NUPR2: variants seen among roughly 807,000 people sequenced by gnomAD.
NUPR2 encodes nuclear protein 2.
Under a neutral mutation model 7.3 loss-of-function variants are expected in NUPR2, and 14 were observed. The observed-to-expected ratio is 1.93, with a 90% CI of 1.27 to 3.01. The LOEUF is 3.01. NUPR2 is among the 30% of genes most tolerant of loss of function. The pLI is 0.00. For missense variants in NUPR2, 162 were observed against 143.7 expected (o/e 1.13, Z -0.65); for synonymous variants, 56 against 59.7 (o/e 0.94, Z 0.29).
intron 1 of NUPR2, among the ~76,000 whole-genome samples, chr7:56,115,519 G>T (rs955562221): frequency 7.3e-6 from 1 of 136,336 alleles, no homozygotes; most frequent in South Asian, 2.3e-4. Context: ...GCAGTGGCAC[G>T]ATCTCGGCTA....
chr7:56,115,868 A>G (rs1051202899), intron 1 of NUPR2, 147 bp downstream of exon 1: 2 of 591,924 alleles, frequency 3.4e-6, no homozygotes, highest in Non-Finnish European at 5.5e-6. Flanking sequence ...TGCTATGGCC[A>G]TAAGAGGCCA....
chr7:56,115,430 TGTGTGTGTGTGTG>T (rs1785529935), intron 1 of NUPR2, among the ~76,000 whole-genome samples: 1 of 18,244 alleles, frequency 5.5e-5, no homozygotes, highest in Non-Finnish European at 9.5e-5. Flanking sequence ...TATATATATT[TGTGTGTGTGTGTG>T]TGTGTGTGTG....
intron 1 of NUPR2, among the ~76,000 whole-genome samples, chr7:56,115,429 T>A (rs375800151): frequency 0.72 from 21,947 of 30,544 alleles, 8,146 homozygotes; most frequent in African/African-American, 0.85. Context: ...ATATATATAT[T>A]TGTGTGTGTG....
intron 1 of NUPR2, among the ~76,000 whole-genome samples, chr7:56,115,429 T>TTGTGTGTGTG (rs59426127): frequency 3.2e-5 from 1 of 30,988 alleles, no homozygotes; most frequent in Non-Finnish European, 5.4e-5. Context: ...ATATATATAT[T>TTGTGTGTGTG]TGTGTGTGTG....
chr7:56,115,674 A>G lies in NUPR2; in HGVS notation c.*6+341T>C, dbSNP rs548114560. On this transcript the variant is annotated intron_variant, in intron 1 of 1. Coordinates refer to ENST00000329309, the MANE Select transcript of NUPR2 (RefSeq NM_001145712.2). ...TTTAGTAGAGACGGGGTTTCACCAT[A>G]TTGGCCAGGATGGTTTCGATCTCCT... Among the ~76,000 whole-genome samples the G allele has an allele frequency of 4.2e-3, 572 of 135,318 alleles. 3 individuals are homozygous for G. Among genetic ancestry groups the G allele is most frequent in the African/African-American group, 0.015 (542 of 35,574 alleles). 88.8% of individuals were successfully genotyped at this position (135,318 alleles called of 152,430 possible). A position where few individuals can be genotyped will look rare whatever the true frequency, so the allele number is the denominator to read the frequency against.
In NUPR2 at chr7:56,116,211, T is replaced by C. The variant is rs1301727245; in HGVS notation, c.104A>G (p.Tyr35Cys). 3.9e-6 allele frequency: 6 copies of C among 1,548,436 alleles called. No homozygotes were observed. Among genetic ancestry groups the C allele is most frequent in the East Asian group, 2.5e-5 (1 of 40,616 alleles). ...EEELYDCLDY[Y>C]YLRDFPACGA... is the part of the protein sequence containing the mutation. The stretch of plus-strand genomic sequence containing the variant: ...GCAGGCCGGGAAGTCGCGCAGGTAG[T>C]AGTAGTCCAGGCAGTCGTAAAGCTC... The change falls in exon 1 of 2, where the codon TAC becomes TGC. Residue 35 changes from tyrosine (Y) to cysteine (C), a missense_variant. Tyr to Cys is a radical substitution (Grantham distance 194, BLOSUM62 -2). Transcript: ENST00000329309.
At chr7:56,115,955 T>C in intron 1 of NUPR2, 60 bp downstream of exon 1, 1 of 1,330,566 alleles carries the variant, frequency 7.5e-7, no homozygotes, top group South Asian at 1.6e-5. Flanking sequence ...CGCCGCGCCG[T>C]GGGGGGACGC....
intron 1 of NUPR2, among the ~76,000 whole-genome samples, chr7:56,115,414 T>TACATATGTATATATATAC (rs1490839489): frequency 1.3e-4 from 2 of 15,966 alleles, no homozygotes; most frequent in Non-Finnish European, 2.0e-4. Context: ...TATATATATA[T>TACATATGTATATATATAC]ATATATATAT....
rs1562891744 is a variant in NUPR2, at chr7:56,115,407, A to ATATATACATATG, written c.*7-511_*7-510insCATATGTATATA. ...CGGGCTCGATCGCATATATATATAT[A>ATATATACATATG]TATATATATATATATATATATTTGT... On this transcript the variant is annotated intron_variant, in intron 1 of 1. Transcript: ENST00000329309. Among the ~76,000 whole-genome samples the ATATATACATATG allele has an allele frequency of 3.8e-3, 142 of 36,986 alleles. 8 individuals are homozygous for ATATATACATATG. The highest frequency in any genetic ancestry group is 0.018 in the East Asian group (11 of 602). The allele number at this position is 36,986 out of a possible 152,430, so 24.3% of individuals were successfully genotyped here.
intron 1 of NUPR2, among the ~76,000 whole-genome samples, chr7:56,115,354 C>G (rs4294145): frequency 0.82 from 108,268 of 132,548 alleles, 44,661 homozygotes; most frequent in East Asian, 0.94. Context: ...GCGCAATCTC[C>G]GCTCGGCTCA....
At chr7:56,115,042 C>T (rs1320525552) in intron 1 of NUPR2, 145 bp from the exon 2 acceptor site, 2 of 151,636 alleles carry the variant, frequency 1.3e-5, no homozygotes, top group Non-Finnish European at 2.9e-5. Context: ...TTCAAGCGAT[C>T]CTGCCGCCTT....
Position 56,116,192 on chromosome 7 carries a change from C to T in NUPR2, c.123G>A (p.Pro41=), listed in dbSNP as rs1785548348. 6.5e-7 allele frequency: 1 copy of T among 1,548,752 alleles called. No individual in the cohort carries two copies. Among genetic ancestry groups the T allele is most frequent in the African/African-American group, 1.4e-5 (1 of 72,540 alleles). ...CCTTGCTGCGCCCTGCCCCGCAGGC[C>T]GGGAAGTCGCGCAGGTAGTAGTAGT... ...CLDYYYLRDF[P]ACGAGRSKGR... Residue 41 remains proline (P), a synonymous_variant, in exon 1 of 2, where the codon CCG becomes CCA. Transcript: ENST00000329309.
At chr7:56,115,417 A>ACATATGTATATATATATATATATATACG (rs1562891787) in intron 1 of NUPR2, among the ~76,000 whole-genome samples, 2 of 21,364 alleles carry the variant, frequency 9.4e-5, no homozygotes, top group African/African-American at 2.9e-4. Flanking sequence ...ATATATATAT[A>ACATATGTATATATATATATATATATACG]TATATATATA....
intron 1 of NUPR2, among the ~76,000 whole-genome samples, chr7:56,115,437 G>GTATATATATATATATATT (rs1320810978): frequency 1.6e-3 from 24 of 14,590 alleles, no homozygotes; most frequent in African/African-American, 5.7e-3. Context: ...ATTTGTGTGT[G>GTATATATATATATATATT]TGTGTGTGTG....
chr7:56,116,163 C>T lies in NUPR2; in HGVS notation c.152G>A (p.Arg51Gln). Residue 51 changes from arginine (R) to glutamine (Q), a missense_variant, in exon 1 of 2, where the codon CGG (arginine) becomes CAG (glutamine). Transcript: ENST00000329309. Reference sequence around the variant, plus strand: ...GCGCAGCGCCTGCTCGCGCCGAGTCCGGCCCTTGCTGCGCCCTGCCCCGCA... The same window carrying T: ...GCGCAGCGCCTGCTCGCGCCGAGTCTGGCCCTTGCTGCGCCCTGCCCCGCA... ...PACGAGRSKG[R>Q]TRREQALRTN... is the part of the protein sequence containing the mutation. 6.5e-7 allele frequency: 1 copy of T among 1,547,968 alleles called. No homozygotes were observed. The highest frequency in any genetic ancestry group is 8.7e-7 in the Non-Finnish European group (1 of 1,145,694).
rs56746301 is a variant in NUPR2, at chr7:56,115,431, G to GTATATATA, written c.*7-535_*7-534insTATATATA. Among the ~76,000 whole-genome samples, 14 of 26,756 alleles carry GTATATATA rather than the reference G, an allele frequency of 5.2e-4. 1 individual carries two copies. Among genetic ancestry groups the GTATATATA allele is most frequent in the African/African-American group, 1.8e-3 (10 of 5,652 alleles). The allele number at this position is 26,756 out of a possible 152,430, so 17.6% of individuals were successfully genotyped here. On this transcript the variant is annotated intron_variant, in intron 1 of 1. Coordinates refer to ENST00000329309, the MANE Select transcript of NUPR2 (RefSeq NM_001145712.2). ...TATATATATATATATATATATATTT[G>GTATATATA]TGTGTGTGTGTGTGTGTGTGTGTGT...
chr7:56,116,284 GTGGAA>G lies in NUPR2; in HGVS notation c.26_30del (p.Leu9ProfsTer102). 1 of 1,481,640 alleles carries G rather than the reference GTGGAA, an allele frequency of 6.7e-7. No homozygotes were observed. Among genetic ancestry groups the G allele is most frequent in the South Asian group, 1.3e-5 (1 of 75,900 alleles). The allele number at this position is 1,481,640 out of a possible 1,614,324, so 91.8% of individuals were successfully genotyped here. A position where few individuals can be genotyped will look rare whatever the true frequency, so the allele number is the denominator to read the frequency against. On this transcript the variant is annotated frameshift_variant, in exon 1 of 2. Transcript: ENST00000329309. LOFTEE classifies it high-confidence loss of function. Reference sequence around the variant, plus strand: ...GGCGGCCGAGCCAGAGCCTGCAGACGTGGAAGCGCCCGCTCTGCGGGCGCTTCCAT... The same window carrying G: ...GGCGGCCGAGCCAGAGCCTGCAGACGGCGCCCGCTCTGCGGGCGCTTCCAT...
At position 56,115,426 on chromosome 7, in the gene NUPR2, TATTTGTGTGTGTGTGTGTGTGTGTGTGTG is replaced by T. The variant is rs1785528358; in HGVS notation, c.*7-558_*7-530del. ...ATATATATATATATATATATATATA[TATTTGTGTGTGTGTGTGTGTGTGTGTGTG>T]TGTGTGTGTGTGTGTGTGTGTGACG... On this transcript the variant is annotated intron_variant, in intron 1 of 1. Coordinates refer to ENST00000329309, the MANE Select transcript of NUPR2 (RefSeq NM_001145712.2). Among the ~76,000 whole-genome samples the T allele has an allele frequency of 1.0e-4, 5 of 48,734 alleles. 2 individuals carry two copies. The highest frequency in any genetic ancestry group is 1.1e-4 in the Non-Finnish European group (3 of 27,592). The allele number at this position is 48,734 out of a possible 152,430, so 32.0% of individuals were successfully genotyped here.
rs1785551004 is a variant in NUPR2 at position 56,116,270 on chromosome 7, C to T, written c.45G>A (p.Leu15=). The T allele has an allele frequency of 1.3e-6, 2 of 1,526,784 alleles. No homozygotes were observed. Among genetic ancestry groups the T allele is most frequent in the Non-Finnish European group, 1.8e-6 (2 of 1,137,848 alleles). The allele number at this position is 1,526,784 out of a possible 1,614,324, so 94.6% of individuals were successfully genotyped here. The change falls in exon 1 of 2, where the codon CTG becomes CTA. Residue 15 remains leucine, a synonymous_variant. Coordinates refer to ENST00000329309, the MANE Select transcript of NUPR2 (RefSeq NM_001145712.2). The part of the protein sequence containing the change: ...AERALPRLQA[L]ARPPPPISYE... The stretch of plus-strand genomic sequence containing the variant: ...AGCTTATGGGTGGCGGCGGCCGAGC[C>T]AGAGCCTGCAGACGTGGAAGCGCCC...
Sources: gnomAD v4.1 joint callset for allele counts (sites outside exome capture counted in the v4.1 genomes callset) on GRCh38, gnomAD v4.1.1 for gene constraint, MANE v1.5 for transcripts, NCBI Gene and HGNC (gene_info 2026-07-23, HGNC 2026-07-21) for gene names.